HEXB: variants seen among roughly 807,000 people sequenced by gnomAD.
HEXB encodes beta-hexosaminidase subunit beta.
In HEXB, 51 loss-of-function variants were observed where a neutral mutation model predicts 71.2. The ratio of observed to expected loss-of-function variants is 0.72; its 90% confidence interval spans 0.57 to 0.90. HEXB has a LOEUF of 0.90. HEXB is among the 40% of genes least tolerant of loss of function. The probability of loss-of-function intolerance (pLI) is 0.00; values close to 1 mark genes in which losing one functional copy is unlikely to be tolerated. For missense variants in HEXB, 617 were observed against 677.0 expected, an observed-to-expected ratio of 0.91 and a Z score of 0.98; for synonymous variants, 266 against 249.3, an observed-to-expected ratio of 1.07 and a Z score of -0.63.
At chr5:74,705,458 T>G in intron 6 of HEXB, 138 bp downstream of exon 6, 2 of 673,450 alleles carry the variant, frequency 3.0e-6, no homozygotes, top group Non-Finnish European at 5.3e-6. Context: ...TTTTTTTGGC[T>G]GTGACTTAGC....
chr5:74,672,932 C>G (rs1015845412), intron 1 of HEXB, among the ~76,000 whole-genome samples: 2 of 152,194 alleles, frequency 1.3e-5, no homozygotes, highest in African/African-American at 4.8e-5. Flanking sequence ...ATTTAGAAAC[C>G]TTAGAAGGTT....
intron 1 of HEXB, among the ~76,000 whole-genome samples, chr5:74,647,030 T>A (rs1748014345): frequency 6.6e-6 from 1 of 152,238 alleles, no homozygotes; most frequent in Non-Finnish European, 1.5e-5. Flanking sequence ...TACTTTTTCC[T>A]GCCCTGAAGA....
At chr5:74,660,527 T>C (rs190318319) in intron 1 of HEXB, among the ~76,000 whole-genome samples, 4 of 152,244 alleles carry the variant, frequency 2.6e-5, no homozygotes, top group Non-Finnish European at 4.4e-5. Flanking sequence ...AACAAGAGTG[T>C]CACAGGGACA....
chr5:74,672,669 G>A lies in HEXB; in HGVS notation c.-376-16659G>A, dbSNP rs543388374. ...CAGCAATGCCCTCTTAGCAAACCCT[G>A]CACTGGGTAGCTAGTGCCATTTCTG... is the stretch of plus-strand genomic sequence containing the variant. On this transcript the variant is annotated intron_variant, in intron 1 of 13. Coordinates refer to the HEXB transcript ENST00000511181. 8.3e-4 allele frequency among the ~76,000 whole-genome samples: 126 copies of A among 152,330 alleles called. 1 individual carries two copies. In the South Asian group the frequency reaches 0.01, roughly 12 times the overall value.
intron 10 of HEXB, 47 bp downstream of exon 10, chr5:74,718,410 ATTTTT>A: frequency 7.2e-7 from 1 of 1,384,446 alleles, no homozygotes; most frequent in Non-Finnish European, 1.0e-6. Flanking sequence ...AGACTTAATT[ATTTTT>A]CTTGGGGCAA....
intron 1 of HEXB, among the ~76,000 whole-genome samples, chr5:74,667,751 T>C (rs1748459895): frequency 6.6e-6 from 1 of 152,278 alleles, no homozygotes. Context: ...ACTGATCCAA[T>C]CATTCCCTAA....
intron 1 of HEXB, among the ~76,000 whole-genome samples, chr5:74,676,426 T>G (rs570230300): frequency 2.0e-5 from 3 of 152,292 alleles, no homozygotes; most frequent in South Asian, 4.1e-4. Context: ...CAGTCCAAAG[T>G]GCTGGGACTT....
At chr5:74,702,000 C>A (rs1472259284) in intron 5 of HEXB, among the ~76,000 whole-genome samples, 1 of 150,512 alleles carries the variant, frequency 6.6e-6, no homozygotes, top group Non-Finnish European at 1.5e-5. Context: ...CATCCAAAAT[C>A]AGGTGTTCCG....
rs183994939 is a variant in HEXB at position 74,660,073 on chromosome 5, A to G, written c.-377+19515A>G. ...GAGGAGAGACCCTAATCTTTGTAAA[A>G]AAAATAAATGAATAAATAAAGGGAC... On this transcript the variant is annotated intron_variant, in intron 1 of 13. Transcript: ENST00000511181. 1.4e-3 allele frequency among the ~76,000 whole-genome samples: 212 copies of G among 152,144 alleles called. 1 individual carries two copies. Among genetic ancestry groups the G allele is most frequent in the African/African-American group, 4.8e-3 (200 of 41,498 alleles).
At chr5:74,658,594 T>G (rs567595178) in intron 1 of HEXB, among the ~76,000 whole-genome samples, 3 of 151,998 alleles carry the variant, frequency 2.0e-5, no homozygotes, top group Non-Finnish European at 4.4e-5. Context: ...GGGGCCGCAA[T>G]AAAACTCCTG....
Position 74,695,350 on chromosome 5 carries a change from C to A in HEXB, c.512-1343C>A, listed in dbSNP as rs893935167. On this transcript the variant is annotated intron_variant, in intron 3 of 13. Coordinates refer to ENST00000261416, the MANE Select transcript of HEXB (RefSeq NM_000521.4). The stretch of plus-strand genomic sequence containing the variant: ...TCCCGAGTAGCTGGTACTACAGGCG[C>A]CTGCCACCACGCCTGGCTAATTTTT... Among the ~76,000 whole-genome samples, 6 of 150,306 alleles carry A rather than the reference C, an allele frequency of 4.0e-5. No homozygotes were observed. In the East Asian group the frequency reaches 6.2e-4, roughly 15 times the overall value.
At chr5:74,716,172 A>G (rs1749669253) in intron 8 of HEXB, among the ~76,000 whole-genome samples, 2 of 152,134 alleles carry the variant, frequency 1.3e-5, no homozygotes, top group African/African-American at 4.8e-5. Flanking sequence ...AGATTTGTGG[A>G]GAATGTACAT....
At chr5:74,677,637 G>A (rs1580373150) in intron 1 of HEXB, among the ~76,000 whole-genome samples, 1 of 151,420 alleles carries the variant, frequency 6.6e-6, no homozygotes, top group East Asian at 1.9e-4. Flanking sequence ...TCTCCCCACT[G>A]TCACTGCTTC....
At chr5:74,679,784 G>A (rs956803368) in intron 1 of HEXB, among the ~76,000 whole-genome samples, 45 of 122,516 alleles carry the variant, frequency 3.7e-4, no homozygotes, top group Admixed American at 2.3e-3. Context: ...TGGTGACAGC[G>A]CGAGACTCCG....
chr5:74,650,660 G>A (rs566258402), intron 1 of HEXB, among the ~76,000 whole-genome samples: 31 of 152,186 alleles, frequency 2.0e-4, no homozygotes, highest in African/African-American at 6.3e-4. Context: ...GGTGGCTCAC[G>A]CCTGTCATCC....
chr5:74,681,808 T>A (rs1023972301), upstream of HEXB, among the ~76,000 whole-genome samples: 3 of 152,188 alleles, frequency 2.0e-5, no homozygotes, highest in Non-Finnish European at 2.9e-5. Flanking sequence ...TTCAATTTCC[T>A]TGCATCTGAG....
chr5:74,692,313 C>A lies in HEXB; in HGVS notation c.446-1326C>A, dbSNP rs372619857. On this transcript the variant is annotated intron_variant, in intron 2 of 13. Coordinates refer to ENST00000261416, the MANE Select transcript of HEXB (RefSeq NM_000521.4). ...AGGAGTTCAAGACCAGCCTGGGCAA[C>A]ATGGCAAAACCCTGTCTCTACAAAA... 1.1e-3 allele frequency among the ~76,000 whole-genome samples: 140 copies of A among 122,608 alleles called. 1 individual carries two copies. Among genetic ancestry groups the A allele is most frequent in the African/African-American group, 1.6e-3 (51 of 31,524 alleles). 80.4% of individuals were successfully genotyped at this position (122,608 alleles called of 152,430 possible). A position where few individuals can be genotyped will look rare whatever the true frequency, so the allele number is the denominator to read the frequency against.
intron 6 of HEXB, among the ~76,000 whole-genome samples, chr5:74,712,810 A>T (rs1749580344): frequency 6.6e-6 from 1 of 152,182 alleles, no homozygotes; most frequent in South Asian, 2.1e-4. Flanking sequence ...GCAACTGAGC[A>T]CTTATAGGCC....
At chr5:74,663,976 C>T (rs1324234308) in intron 1 of HEXB, among the ~76,000 whole-genome samples, 1 of 151,844 alleles carries the variant, frequency 6.6e-6, no homozygotes, top group Admixed American at 6.6e-5. Flanking sequence ...AAACTTTAGG[C>T]CAGGCGTGGT....
Sources: allele counts gnomAD v4.1 joint callset (sites outside exome capture counted in the v4.1 genomes callset), GRCh38; gene constraint gnomAD v4.1.1; transcripts MANE v1.5; gene names NCBI Gene and HGNC (gene_info 2026-07-23, HGNC 2026-07-21).